The following ZNF385D variants were observed in gnomAD, a reference collection of about 807,000 sequenced individuals.
ZNF385D encodes the protein zinc finger protein 385D, also known as zinc finger protein 659.
In ZNF385D, 15 loss-of-function variants were observed where a neutral mutation model predicts 35.8. The ratio of observed to expected loss-of-function variants is 0.42; its 90% CI spans 0.28 to 0.64. ZNF385D has a LOEUF of 0.64. Ranked by LOEUF, ZNF385D falls within the 30% of genes least tolerant of loss-of-function variation. The pLI, the probability that ZNF385D is intolerant of heterozygous loss-of-function variation, is 0.23. For missense variants in ZNF385D, 474 were observed against 494.6 expected (o/e 0.96, Z 0.39); for synonymous variants, 212 against 186.8 (o/e 1.13, Z -1.10).
At chr3:22,097,937 C>T (rs528765046) in intron 3 of ZNF385D, among the ~76,000 whole-genome samples, 2 of 152,126 alleles carry the variant, frequency 1.3e-5, no homozygotes, top group East Asian at 3.9e-4. Flanking sequence ...ATTTACAACT[C>T]ATGTGAGCTT....
intron 1 of ZNF385D, among the ~76,000 whole-genome samples, chr3:21,728,179 A>C (rs1459656172): frequency 6.6e-6 from 1 of 152,004 alleles, no homozygotes; most frequent in Non-Finnish European, 1.5e-5. Context: ...AGAAATACCT[A>C]ATGTAAGTGA....
intron 2 of ZNF385D, among the ~76,000 whole-genome samples, chr3:22,302,858 C>A (rs909916707): frequency 4.6e-5 from 7 of 152,046 alleles, no homozygotes; most frequent in African/African-American, 1.7e-4. Context: ...CAAATATTTA[C>A]ATTTTTGTTT....
At chr3:21,575,481 C>T (rs989861503) in intron 2 of ZNF385D, among the ~76,000 whole-genome samples, 12 of 152,108 alleles carry the variant, frequency 7.9e-5, no homozygotes, top group Admixed American at 2.0e-4. Flanking sequence ...ATGTATAAGT[C>T]GCATAAATAC....
chr3:22,157,058 C>A (rs1026684547), intron 3 of ZNF385D, among the ~76,000 whole-genome samples: 2 of 152,110 alleles, frequency 1.3e-5, no homozygotes, highest in African/African-American at 2.4e-5. Context: ...GCTTCTGAAT[C>A]AAGGAGCAAT....
intron 1 of ZNF385D, among the ~76,000 whole-genome samples, chr3:21,726,686 G>A (rs2068778987): frequency 6.6e-6 from 1 of 152,092 alleles, no homozygotes; most frequent in South Asian, 2.1e-4. Flanking sequence ...GAAAACAAAT[G>A]GAAAAAGTTT....
chr3:21,967,291 T>A lies in ZNF385D; in HGVS notation c.325+201526A>T, dbSNP rs183091400. Among the ~76,000 whole-genome samples the A allele has an allele frequency of 2.6e-3, 402 of 152,194 alleles. 2 individuals are homozygous for A. The highest frequency in any genetic ancestry group is 9.2e-3 in the African/African-American group (384 of 41,532). On this transcript the variant is annotated intron_variant, in intron 3 of 5. Transcript: ENST00000494108. ...TCTTAAAATTTGATAATTAAGAAAATTTTTTCCCCCAAAATTTACTGTCTT... is the reference window on the plus strand; with the variant it reads ...TCTTAAAATTTGATAATTAAGAAAAATTTTTCCCCCAAAATTTACTGTCTT...
intron 3 of ZNF385D, among the ~76,000 whole-genome samples, chr3:21,883,593 C>T (rs147046990): frequency 6.6e-6 from 1 of 152,072 alleles, no homozygotes; most frequent in Non-Finnish European, 1.5e-5. Context: ...CCCAAGATTC[C>T]TGAAGCTTGG....
intron 2 of ZNF385D, among the ~76,000 whole-genome samples, chr3:22,356,303 T>A (rs1415905306): frequency 6.6e-6 from 1 of 151,980 alleles, no homozygotes; most frequent in South Asian, 2.1e-4. Flanking sequence ...TATATTTCAA[T>A]GGGTATGGTA....
intron 1 of ZNF385D, among the ~76,000 whole-genome samples, chr3:21,730,472 T>C (rs1020662880): frequency 1.1e-4 from 17 of 152,192 alleles, no homozygotes; most frequent in Non-Finnish European, 1.0e-4. Flanking sequence ...TGGTTCATAA[T>C]CCATTGCCAG....
At chr3:21,895,225 C>A (rs1408535430) in intron 3 of ZNF385D, among the ~76,000 whole-genome samples, 2 of 145,746 alleles carry the variant, frequency 1.4e-5, no homozygotes, top group Non-Finnish European at 3.0e-5. Flanking sequence ...TAAGTATATT[C>A]AAAAAGATAG....
intron 3 of ZNF385D, among the ~76,000 whole-genome samples, chr3:22,048,742 C>G (rs1240121647): frequency 2.0e-5 from 3 of 151,984 alleles, no homozygotes; most frequent in Non-Finnish European, 2.9e-5. Context: ...TTTTGTGATT[C>G]CAAGTGAATT....
chr3:22,078,441 T>A (rs143028919), intron 3 of ZNF385D, among the ~76,000 whole-genome samples: 1 of 152,158 alleles, frequency 6.6e-6, no homozygotes, highest in Non-Finnish European at 1.5e-5. Flanking sequence ...TTCTCAATTA[T>A]TTATTACTTT....
At position 21,962,668 on chromosome 3, in the gene ZNF385D, G is replaced by A. The variant is rs557861245; in HGVS notation, c.325+206149C>T. Among the ~76,000 whole-genome samples the A allele has an allele frequency of 3.6e-3, 545 of 152,246 alleles. 6 individuals are homozygous for A. Among genetic ancestry groups the A allele is most frequent in the African/African-American group, 0.012 (514 of 41,554 alleles). On this transcript the variant is annotated intron_variant, in intron 3 of 5. Coordinates refer to the ZNF385D transcript ENST00000494108. Reference sequence around the variant, plus strand: ...ATATTTATGCTGGCTTCTTGCCAGTGCTATTAACTGGTGAGGTGTCCAATT... The same window carrying A: ...ATATTTATGCTGGCTTCTTGCCAGTACTATTAACTGGTGAGGTGTCCAATT...
intron 1 of ZNF385D, 102 bp downstream of exon 1, chr3:21,750,793 A>C: frequency 6.8e-7 from 1 of 1,464,708 alleles, no homozygotes. Context: ...AGGTAGGTTT[A>C]ATGTAACATA....
At chr3:22,151,633 G>A (rs966107583) in intron 3 of ZNF385D, among the ~76,000 whole-genome samples, 2 of 152,096 alleles carry the variant, frequency 1.3e-5, no homozygotes, top group Non-Finnish European at 2.9e-5. Context: ...GCTCTATTAA[G>A]GACTTCAACT....
chr3:21,786,586 C>G (rs921818252), intron 3 of ZNF385D, among the ~76,000 whole-genome samples: 2 of 152,118 alleles, frequency 1.3e-5, no homozygotes, highest in Non-Finnish European at 2.9e-5. Context: ...GCTAGGCCAT[C>G]AGTAAGAAAA....
At chr3:21,704,791 G>A (rs1023824258) in intron 1 of ZNF385D, among the ~76,000 whole-genome samples, 28 of 152,098 alleles carry the variant, frequency 1.8e-4, no homozygotes, top group Admixed American at 3.9e-4. Flanking sequence ...CACATAGTAG[G>A]TCCTAAATAA....
At chr3:22,208,021 G>C (rs919055547) in intron 2 of ZNF385D, among the ~76,000 whole-genome samples, 1 of 151,912 alleles carries the variant, frequency 6.6e-6, no homozygotes, top group Non-Finnish European at 1.5e-5. Context: ...AGAGTTTAAA[G>C]GTTCCTCTAA....
chr3:21,756,407 G>A (rs1176405655), intron 3 of ZNF385D, among the ~76,000 whole-genome samples: 1 of 152,086 alleles, frequency 6.6e-6, no homozygotes, highest in Non-Finnish European at 1.5e-5. Flanking sequence ...TTTAGGGGAG[G>A]TTAGAAGGTG....
Sources: gnomAD v4.1 joint callset for allele counts (sites outside exome capture counted in the v4.1 genomes callset) on GRCh38, gnomAD v4.1.1 for gene constraint, MANE v1.5 for transcripts, NCBI Gene and HGNC (gene_info 2026-07-23, HGNC 2026-07-21) for gene names.